The following HMCN1 variants were observed in gnomAD, a reference collection of about 807,000 sequenced individuals.
HMCN1 encodes hemicentin-1.
HMCN1 carries 321 observed loss-of-function variants against 625.9 expected under a neutral mutation model. The observed-to-expected ratio is 0.51, with a 90% CI of 0.47 to 0.56. The LOEUF is 0.56. Among genes scored for constraint, HMCN1 ranks in the 20% least tolerant of loss-of-function variants. The pLI, the probability that HMCN1 is intolerant of heterozygous loss-of-function variation, is 0.00. For missense variants in HMCN1, 6,588 were observed against 6,887.3 expected (o/e 0.96, Z 1.54); for synonymous variants, 2,425 against 2,417.6 (o/e 1.00, Z -0.09).
At chr1:186,123,736 ATT>A (rs1661510238) in intron 81 of HMCN1, among the ~76,000 whole-genome samples, 1 of 152,146 alleles carries the variant, frequency 6.6e-6, no homozygotes, top group African/African-American at 2.4e-5. Context: ...GCATTGAAAT[ATT>A]TTTAGTTTTT....
At chr1:186,148,144 G>A (rs1323898161) in intron 93 of HMCN1, among the ~76,000 whole-genome samples, 1 of 152,176 alleles carries the variant, frequency 6.6e-6, no homozygotes, top group Non-Finnish European at 1.5e-5. Context: ...ATCTTCATCA[G>A]GAGTAGATTC....
chr1:185,946,372 C>A (rs1023995624), intron 11 of HMCN1, among the ~76,000 whole-genome samples: 1 of 151,928 alleles, frequency 6.6e-6, no homozygotes, highest in Non-Finnish European at 1.5e-5. Flanking sequence ...AAATATGTTG[C>A]TGTTATTCAG....
chr1:186,153,725 T>C, intron 96 of HMCN1, 25 bp from the exon 97 acceptor site: 6 of 1,599,536 alleles, frequency 3.8e-6, no homozygotes, highest in Non-Finnish European at 4.3e-6. Flanking sequence ...CATATTGATC[T>C]TCAAATCCAC....
At chr1:186,159,282 T>A (rs1349594519) in intron 97 of HMCN1, among the ~76,000 whole-genome samples, 2 of 152,218 alleles carry the variant, frequency 1.3e-5, no homozygotes, top group East Asian at 1.9e-4. Flanking sequence ...ATCCTGAGAC[T>A]TTGCTGAAGT....
At chr1:186,183,310 G>A (rs1384984932) in intron 105 of HMCN1, among the ~76,000 whole-genome samples, 1 of 152,152 alleles carries the variant, frequency 6.6e-6, no homozygotes, top group Admixed American at 6.5e-5. Flanking sequence ...AAACCAAGGT[G>A]GACAATGGCT....
rs1475906233 is a variant in HMCN1, at chr1:186,057,416, G to T, written c.7312+15G>T. 6.4e-7 allele frequency: 1 copy of T among 1,563,590 alleles called. No homozygotes were observed. Among genetic ancestry groups the T allele is most frequent in the South Asian group, 1.1e-5 (1 of 90,030 alleles). On this transcript the variant is annotated intron_variant, in intron 46 of 106. Coordinates refer to ENST00000271588, the MANE Select transcript of HMCN1 (RefSeq NM_031935.3). The stretch of plus-strand genomic sequence containing the variant: ...GATTCTTTCAGGTATTAGAAATTCT[G>T]GTAGCCTTATAATCTTGTTAGCTTC...
Position 186,152,822 on chromosome 1 carries a change from T to G in HMCN1, c.14969T>G (p.Val4990Gly). 1 of 1,614,026 alleles carries G rather than the reference T, an allele frequency of 6.2e-7. No individual in the cohort carries two copies. Among genetic ancestry groups the G allele is most frequent in the Non-Finnish European group, 8.5e-7 (1 of 1,179,902 alleles). Residue 4990 changes from valine to glycine, a missense_variant, in exon 96 of 107, where the codon GTG becomes GGG. This residue lies in a region of HMCN1 where 1,954 missense variants were observed against 2,013.1 expected (regional missense o/e 0.97). Transcript: ENST00000271588. ...SDGSLLLDIVVSGYVLQLQSP... is the reference protein window; with the variant it reads ...SDGSLLLDIVGSGYVLQLQSP... ...GGTTCTTTGCTGCTAGATATCGTTG[T>G]GAGTGGCTATGTCCTACAGCTTCAG...
intron 1 of HMCN1, among the ~76,000 whole-genome samples, chr1:185,810,936 T>TG (rs1340169331): frequency 2.0e-5 from 3 of 152,122 alleles, no homozygotes; most frequent in Non-Finnish European, 4.4e-5. Context: ...CAAAGAACAG[T>TG]GTCAAAAATC....
At chr1:185,987,296 C>T in intron 19 of HMCN1, 136 bp from the exon 20 acceptor site, 4 of 700,542 alleles carry the variant, frequency 5.7e-6, no homozygotes, top group East Asian at 2.6e-5. Flanking sequence ...GATTATCCTA[C>T]ATTTTTATCA....
chr1:186,048,951 A>T (rs1656765738), intron 42 of HMCN1, 112 bp downstream of exon 42: 1 of 709,584 alleles, frequency 1.4e-6, no homozygotes, highest in South Asian at 1.5e-5. Flanking sequence ...GATGAACAAC[A>T]ATTAGTACAT....
At chr1:185,854,163 G>T (rs1281798331) in intron 2 of HMCN1, among the ~76,000 whole-genome samples, 1 of 152,110 alleles carries the variant, frequency 6.6e-6, no homozygotes, top group East Asian at 1.9e-4. Context: ...TTTCAGAGTT[G>T]CTAGCAGCTG....
intron 81 of HMCN1, 78 bp downstream of exon 81, chr1:186,123,298 A>G: frequency 6.6e-7 from 1 of 1,526,456 alleles, no homozygotes; most frequent in East Asian, 2.4e-5. Flanking sequence ...AGCAAATCTG[A>G]TGGAAGTCAA....
chr1:185,965,388 T>C (rs1375597932), intron 13 of HMCN1, among the ~76,000 whole-genome samples: 1 of 152,124 alleles, frequency 6.6e-6, no homozygotes, highest in Non-Finnish European at 1.5e-5. Flanking sequence ...AATTTAGCTG[T>C]CAGTCTTACC....
intron 97 of HMCN1, among the ~76,000 whole-genome samples, chr1:186,157,030 T>C (rs1344760955): frequency 6.6e-6 from 1 of 152,214 alleles, no homozygotes; most frequent in Non-Finnish European, 1.5e-5. Flanking sequence ...CCAGGTCTCT[T>C]TCTTAGCAAT....
At chr1:185,906,993 A>C (rs1009172686) in intron 4 of HMCN1, among the ~76,000 whole-genome samples, 3 of 139,626 alleles carry the variant, frequency 2.1e-5, no homozygotes, top group African/African-American at 7.9e-5. Flanking sequence ...CCTTACAGCC[A>C]TGTTTTATGT....
At position 186,136,766 on chromosome 1, in the gene HMCN1, A is replaced by G; in HGVS notation, c.13411A>G (p.Ile4471Val). The change falls in exon 87 of 107, where the codon ATT becomes GTT. Residue 4471 changes from isoleucine to valine, a missense_variant. Coordinates refer to ENST00000271588, the MANE Select transcript of HMCN1 (RefSeq NM_031935.3). Reference protein sequence around the residue: ...CQATGEPQPTITWSRQGHSIS... With the variant: ...CQATGEPQPTVTWSRQGHSIS... ...GGCAACTGGAGAGCCTCAACCAACCATTACATGGTCCCGTCAAGGGCACTC... is the reference window on the plus strand; with the variant it reads ...GGCAACTGGAGAGCCTCAACCAACCGTTACATGGTCCCGTCAAGGGCACTC... The G allele has an allele frequency of 6.2e-7, 1 of 1,614,036 alleles. No individual in the cohort carries two copies. Among genetic ancestry groups the G allele is most frequent in the South Asian group, 1.1e-5 (1 of 91,084 alleles).
chr1:186,098,332 GAACTT>G (rs1660234246), intron 68 of HMCN1, among the ~76,000 whole-genome samples: 1 of 151,866 alleles, frequency 6.6e-6, no homozygotes. Flanking sequence ...TATATGTAAA[GAACTT>G]AATAGCAAAA....
chr1:185,834,933 A>G (rs1558004546), intron 1 of HMCN1, among the ~76,000 whole-genome samples: 1 of 152,220 alleles, frequency 6.6e-6, no homozygotes, highest in Admixed American at 6.5e-5. Flanking sequence ...AGCCTCTTAT[A>G]TAGAAAAAAT....
intron 28 of HMCN1, among the ~76,000 whole-genome samples, chr1:186,003,499 T>C (rs149396165): frequency 4.3e-4 from 65 of 152,296 alleles, no homozygotes; most frequent in African/African-American, 1.4e-3. Context: ...TTCTTGAAGG[T>C]AATTGTCTTG....
Sources: allele counts gnomAD v4.1 joint callset (sites outside exome capture counted in the v4.1 genomes callset), GRCh38; gene constraint gnomAD v4.1.1; regional missense constraint gnomAD v4.1.1; transcripts MANE v1.5; gene names NCBI Gene and HGNC (gene_info 2026-07-23, HGNC 2026-07-21).